Variants in METTL8 observed in about 807,000 individuals in gnomAD.
METTL8 encodes tRNA N(3)-cytidine methyltransferase METTL8, mitochondrial.
Under a neutral mutation model 48.7 loss-of-function variants are expected in METTL8, and 32 were observed. The ratio of observed to expected loss-of-function variants is 0.66; its 90% CI spans 0.50 to 0.88. The LOEUF (loss-of-function observed/expected upper bound fraction) is 0.88, where lower values mean the gene tolerates loss of function less well. METTL8 is among the 40% of genes least tolerant of loss of function. The pLI, the probability that METTL8 is intolerant of heterozygous loss-of-function variation, is 0.00. For missense variants in METTL8, 464 were observed against 474.4 expected, an observed-to-expected ratio of 0.98 and a Z score of 0.20; for synonymous variants, 136 against 157.1, an observed-to-expected ratio of 0.87 and a Z score of 1.01.
At chr2:171,378,034 T>C (rs970685721) in intron 2 of METTL8, among the ~76,000 whole-genome samples, 2 of 152,124 alleles carry the variant, frequency 1.3e-5, no homozygotes, top group Admixed American at 6.6e-5. Flanking sequence ...GATCAACTAG[T>C]GTTCAAAATA....
In METTL8 at chr2:171,349,347, G is replaced by C. The variant is rs1683627355; in HGVS notation, c.236-9793C>G. Among the ~76,000 whole-genome samples, 4 of 152,142 alleles carry C rather than the reference G, an allele frequency of 2.6e-5. No individual in the cohort carries two copies. In the South Asian group the frequency reaches 8.3e-4, roughly 32 times the overall value. On this transcript the variant is annotated intron_variant, in intron 3 of 9. Transcript: ENST00000375258. ...ATTTCCCCCATTTCCCGAGCCCTTG[G>C]CAACCACCATTTTTCGTTCTATGAA...
At chr2:171,345,592 T>G (rs1367387532) in intron 3 of METTL8, among the ~76,000 whole-genome samples, 1 of 152,196 alleles carries the variant, frequency 6.6e-6, no homozygotes, top group African/African-American at 2.4e-5. Flanking sequence ...AGCATAAAAC[T>G]TTTAGCTACT....
At chr2:171,387,274 G>A (rs114779350) in intron 2 of METTL8, among the ~76,000 whole-genome samples, 573 of 152,242 alleles carry the variant, frequency 3.8e-3, no homozygotes, top group African/African-American at 0.013. Flanking sequence ...TGGGGTAGGA[G>A]CCCCACAGCC....
At position 171,315,844 on chromosome 2, in the gene METTL8, A is replaced by G. The variant is rs187273883; in HGVS notation, c.*8328T>C. ...ACATGAAATAAGAAAATGTTCAACT[A>G]TGTAATAACCAAAGCTTCCTTAACT... On this transcript the variant is annotated 3_prime_UTR_variant, in exon 10 of 10. Coordinates refer to ENST00000375258, the MANE Select transcript of METTL8 (RefSeq NM_001321154.2). Among the ~76,000 whole-genome samples, 1 of 152,348 alleles carries G rather than the reference A, an allele frequency of 6.6e-6. No homozygotes were observed. Among genetic ancestry groups the G allele is most frequent in the East Asian group, 1.9e-4 (1 of 5,188 alleles).
At chr2:171,347,868 C>T (rs538838316) in intron 3 of METTL8, among the ~76,000 whole-genome samples, 8 of 152,174 alleles carry the variant, frequency 5.3e-5, no homozygotes, top group Admixed American at 3.9e-4. Context: ...TCAAAGACTT[C>T]GTGGTTGAAG....
At chr2:171,352,084 T>C (rs1396135584) in intron 3 of METTL8, among the ~76,000 whole-genome samples, 1 of 152,222 alleles carries the variant, frequency 6.6e-6, no homozygotes, top group Non-Finnish European at 1.5e-5. Flanking sequence ...CGTATGATAT[T>C]GACTGTGAGT....
At chr2:171,426,432 T>C (rs1692425412) in intron 1 of METTL8, among the ~76,000 whole-genome samples, 1 of 152,316 alleles carries the variant, frequency 6.6e-6, no homozygotes, top group Non-Finnish European at 1.5e-5. Flanking sequence ...GCAGGGCACA[T>C]AAGAGATGTC....
intron 4 of METTL8, 39 bp from the exon 5 acceptor site, chr2:171,337,541 G>C: frequency 6.4e-7 from 1 of 1,551,174 alleles, no homozygotes; most frequent in Non-Finnish European, 8.8e-7. Flanking sequence ...AAAAAAGCAA[G>C]GTTAAATTTT....
chr2:171,391,142 G>A (rs1442535978), intron 2 of METTL8, among the ~76,000 whole-genome samples: 2 of 152,196 alleles, frequency 1.3e-5, no homozygotes, highest in Admixed American at 6.5e-5. Flanking sequence ...ACTGAGGTAA[G>A]ACCCTCTGCC....
chr2:171,386,567 C>T (rs889033038), intron 2 of METTL8, among the ~76,000 whole-genome samples: 1 of 152,108 alleles, frequency 6.6e-6, no homozygotes, highest in African/African-American at 2.4e-5. Flanking sequence ...AGTGCGAGAC[C>T]GGCCTGGCCA....
At chr2:171,420,845 T>A (rs758939555) in intron 1 of METTL8, among the ~76,000 whole-genome samples, 1 of 152,216 alleles carries the variant, frequency 6.6e-6, no homozygotes, top group Non-Finnish European at 1.5e-5. Context: ...CAACATTCGC[T>A]CATGATTAAA....
intron 3 of METTL8, among the ~76,000 whole-genome samples, chr2:171,355,524 A>G (rs1287729632): frequency 6.6e-6 from 1 of 152,198 alleles, no homozygotes; most frequent in African/African-American, 2.4e-5. Context: ...AGTCTGCAGA[A>G]GCTTCTGCTT....
upstream of METTL8, chr2:171,434,369 T>A: frequency 1.2e-6 from 1 of 844,652 alleles, no homozygotes; most frequent in Non-Finnish European, 1.9e-6. Flanking sequence ...CTTCTTCCCT[T>A]CTCTCCGCGC....
intron 3 of METTL8, among the ~76,000 whole-genome samples, chr2:171,350,413 C>T (rs866130528): frequency 6.6e-6 from 1 of 152,186 alleles, no homozygotes. Flanking sequence ...AATAGTGCCA[C>T]AATAAACATA....
intron 1 of METTL8, among the ~76,000 whole-genome samples, chr2:171,411,522 C>T (rs1690747152): frequency 1.3e-5 from 2 of 152,078 alleles, no homozygotes; most frequent in South Asian, 4.1e-4. Context: ...AGTTAGAATA[C>T]ATATATAAGA....
intron 2 of METTL8, among the ~76,000 whole-genome samples, chr2:171,391,798 G>C (rs900777037): frequency 1.1e-4 from 17 of 152,128 alleles, no homozygotes; most frequent in African/African-American, 3.9e-4. Flanking sequence ...AGGTAAGTAG[G>C]AAGGGCCTGC....
intron 3 of METTL8, among the ~76,000 whole-genome samples, chr2:171,359,989 A>G (rs1240611051): frequency 6.6e-6 from 1 of 152,094 alleles, no homozygotes; most frequent in Non-Finnish European, 1.5e-5. Flanking sequence ...CTTCAAGAAA[A>G]CTGCCTTCAA....
At chr2:171,337,762 T>A in intron 4 of METTL8, among the ~76,000 whole-genome samples, 1 of 147,598 alleles carries the variant, frequency 6.8e-6, no homozygotes, top group South Asian at 2.1e-4. Context: ...TGAAGAAAAC[T>A]GCAATGAATA....
chr2:171,329,260 G>A (rs1685277018), intron 7 of METTL8, among the ~76,000 whole-genome samples: 1 of 152,202 alleles, frequency 6.6e-6, no homozygotes, highest in African/African-American at 2.4e-5. Context: ...CAAAGTGCTG[G>A]GATTACAGGT....
Sources: gnomAD v4.1 joint callset for allele counts (sites outside exome capture counted in the v4.1 genomes callset) on GRCh38, gnomAD v4.1.1 for gene constraint, MANE v1.5 for transcripts, NCBI Gene and HGNC (gene_info 2026-07-23, HGNC 2026-07-21) for gene names.